The following ATRNL1 variants were observed in gnomAD, a reference collection of about 807,000 sequenced individuals.
ATRNL1 encodes the protein attractin-like protein 1.
In ATRNL1, 95 loss-of-function variants were observed where a neutral mutation model predicts 182.7. The observed-to-expected ratio is 0.52, with a 90% CI of 0.44 to 0.62. The LOEUF (loss-of-function observed/expected upper bound fraction) is 0.62, where lower values mean the gene tolerates loss of function less well. ATRNL1 is among the 20% of genes least tolerant of loss of function. The pLI, the probability that ATRNL1 is intolerant of heterozygous loss-of-function variation, is 0.00. For missense variants in ATRNL1, 1,471 were observed against 1,679.5 expected (o/e 0.88, Z 2.17); for synonymous variants, 576 against 568.3 (o/e 1.01, Z -0.19).
chr10:115,213,244 G>C (rs1028894939), intron 8 of ATRNL1, among the ~76,000 whole-genome samples: 4 of 151,996 alleles, frequency 2.6e-5, no homozygotes, highest in African/African-American at 9.7e-5. Flanking sequence ...TATCTTAGCA[G>C]GTAGTCACCT....
chr10:115,717,013 T>G (rs1947271826), intron 26 of ATRNL1, among the ~76,000 whole-genome samples: 1 of 152,196 alleles, frequency 6.6e-6, no homozygotes, highest in Non-Finnish European at 1.5e-5. Flanking sequence ...TAAAATCCAT[T>G]CTGAGGATCT....
intron 27 of ATRNL1, among the ~76,000 whole-genome samples, chr10:115,738,580 A>G (rs1178141387): frequency 1.3e-5 from 2 of 152,182 alleles, no homozygotes; most frequent in Non-Finnish European, 2.9e-5. Context: ...AATTATAAAA[A>G]GACCTTTCTT....
chr10:115,559,454 A>ACGTG (rs1554998583), intron 26 of ATRNL1, among the ~76,000 whole-genome samples: 87 of 135,384 alleles, frequency 6.4e-4, no homozygotes, highest in African/African-American at 1.7e-3. Flanking sequence ...GCGCGCGCGC[A>ACGTG]CGCACGCACA....
chr10:115,165,136 A>G (rs1465810503), intron 6 of ATRNL1, among the ~76,000 whole-genome samples: 1 of 152,022 alleles, frequency 6.6e-6, no homozygotes, highest in Non-Finnish European at 1.5e-5. Context: ...TATCAGGCCA[A>G]CTAAAAAAAA....
At chr10:115,532,896 G>A (rs1554988806) in intron 25 of ATRNL1, among the ~76,000 whole-genome samples, 1 of 151,978 alleles carries the variant, frequency 6.6e-6, no homozygotes, top group African/African-American at 2.4e-5. Flanking sequence ...CTTTGGTTCT[G>A]TTTATATGCT....
chr10:115,127,817 A>G (rs1554873984), intron 4 of ATRNL1, 96 bp downstream of exon 4: 1 of 827,106 alleles, frequency 1.2e-6, no homozygotes, highest in Admixed American at 3.8e-5. Context: ...CTTGTATACC[A>G]GAAGCAGGCT....
chr10:115,516,517 C>G (rs1348822666), intron 24 of ATRNL1, among the ~76,000 whole-genome samples: 3 of 151,852 alleles, frequency 2.0e-5, no homozygotes, highest in Admixed American at 2.0e-4. Context: ...TCTTTCTCAC[C>G]CAACAGCCAG....
chr10:115,591,868 A>C (rs1205998615), intron 26 of ATRNL1, among the ~76,000 whole-genome samples: 1 of 152,120 alleles, frequency 6.6e-6, no homozygotes, highest in South Asian at 2.1e-4. Flanking sequence ...AGACACGTGC[A>C]CTCTTATTTT....
At chr10:115,247,346 A>T (rs926689427) in intron 10 of ATRNL1, among the ~76,000 whole-genome samples, 1 of 152,212 alleles carries the variant, frequency 6.6e-6, no homozygotes, top group African/African-American at 2.4e-5. Flanking sequence ...CATTTTGCAA[A>T]TGTTTAACAA....
In ATRNL1 at chr10:115,273,769, T is replaced by G. The variant is rs147537804; in HGVS notation, c.2100+5325T>G. The stretch of plus-strand genomic sequence containing the variant: ...CTTCTCTTGAAGTGATAGGTCAGAC[T>G]GGGAGAGAGAAGGCAGTGTGGCAGA... On this transcript the variant is annotated intron_variant, in intron 13 of 28. Transcript: ENST00000355044. Among the ~76,000 whole-genome samples the G allele has an allele frequency of 5.1e-4, 78 of 152,308 alleles. 1 individual carries two copies. In the Middle Eastern group the frequency reaches 0.017, roughly 33 times the overall value.
At chr10:115,834,038 A>G (rs528929057) in intron 27 of ATRNL1, among the ~76,000 whole-genome samples, 2 of 139,508 alleles carry the variant, frequency 1.4e-5, no homozygotes, top group Admixed American at 6.8e-5. Context: ...CTTCACTGCT[A>G]TACCTCAATG....
chr10:115,877,010 G>A (rs1158324500), intron 28 of ATRNL1, among the ~76,000 whole-genome samples: 1 of 152,124 alleles, frequency 6.6e-6, no homozygotes, highest in Non-Finnish European at 1.5e-5. Flanking sequence ...ATGGTTCCAA[G>A]CCAAAAACCA....
chr10:115,251,464 T>C (rs1193441232), intron 10 of ATRNL1, among the ~76,000 whole-genome samples: 6 of 152,152 alleles, frequency 3.9e-5, no homozygotes, highest in Non-Finnish European at 7.4e-5. Context: ...CATTTTGAGC[T>C]GGACCTTGTC....
At chr10:115,733,775 T>G (rs1374657202) in intron 27 of ATRNL1, among the ~76,000 whole-genome samples, 1 of 152,198 alleles carries the variant, frequency 6.6e-6, no homozygotes, top group African/African-American at 2.4e-5. Context: ...ATATTTGATA[T>G]TTTTAATTAT....
Position 115,222,454 on chromosome 10 carries a change from A to G in ATRNL1, c.1532+6574A>G, listed in dbSNP as rs376202711. ...TGACAAAGACATCAAGCCACAGATT[A>G]AAGAAGTTCTGTGAGCACCAAGGGG... On this transcript the variant is annotated intron_variant, in intron 9 of 28. Transcript: ENST00000355044. Among the ~76,000 whole-genome samples the G allele has an allele frequency of 3.3e-5, 5 of 152,326 alleles. 1 individual carries two copies. The highest frequency in any genetic ancestry group is 1.2e-4 in the African/African-American group (5 of 41,586).
At chr10:115,431,668 A>G (rs1356664828) in intron 21 of ATRNL1, among the ~76,000 whole-genome samples, 5 of 152,082 alleles carry the variant, frequency 3.3e-5, no homozygotes, top group Admixed American at 6.5e-5. Flanking sequence ...TTTTGTCACT[A>G]ATGAACTTAT....
Position 115,302,043 on chromosome 10 carries a change from CGTAA to C in ATRNL1, c.2818+4_2818+7del. The C allele has an allele frequency of 6.2e-7, 1 of 1,610,272 alleles. No homozygotes were observed. The highest frequency in any genetic ancestry group is 8.5e-7 in the Non-Finnish European group (1 of 1,177,920). ...AGAGTGGCAAACTGCCACCTGCTCCCGTAAGTATTTATCTAGAGTGACTTTTCAC... is the reference window on the plus strand; with the variant it reads ...AGAGTGGCAAACTGCCACCTGCTCCCGTATTTATCTAGAGTGACTTTTCAC... On this transcript the variant is annotated splice_donor_variant and splice_donor_region_variant and intron_variant, in intron 17 of 28. Coordinates refer to ENST00000355044, the MANE Select transcript of ATRNL1 (RefSeq NM_207303.4). LOFTEE classifies it high-confidence loss of function.
chr10:115,380,612 A>G lies in ATRNL1; in HGVS notation c.3176-14047A>G, dbSNP rs76284585. On this transcript the variant is annotated intron_variant, in intron 19 of 28. Transcript: ENST00000355044. ...GGTTTTATTCTTCTGGAAATTTCAT[A>G]TAAGTGAAATTATCAAATATGTGAT... Among the ~76,000 whole-genome samples the G allele has an allele frequency of 7.4e-4, 112 of 152,252 alleles. 2 individuals carry two copies. The East Asian group carries it at 0.016, about 22-fold the overall frequency.
chr10:115,479,987 A>C (rs930018429), intron 24 of ATRNL1, among the ~76,000 whole-genome samples: 10 of 151,316 alleles, frequency 6.6e-5, no homozygotes, highest in Admixed American at 1.3e-4. Flanking sequence ...ATCAATCTGC[A>C]AAGTGATGTC....
Sources: gnomAD v4.1 joint callset for allele counts (sites outside exome capture counted in the v4.1 genomes callset) on GRCh38, gnomAD v4.1.1 for gene constraint, MANE v1.5 for transcripts, NCBI Gene and HGNC (gene_info 2026-07-23, HGNC 2026-07-21) for gene names.